Variants in CCNY observed in about 807,000 individuals in gnomAD.
The protein encoded by CCNY is cyclin Y, also known as cyclin-Y.
A neutral mutation model predicts 42.8 loss-of-function variants in CCNY; 19 were observed. The observed-to-expected ratio is 0.44, with a 90% confidence interval of 0.31 to 0.65. The LOEUF (loss-of-function observed/expected upper bound fraction) is 0.65. CCNY is among the 30% of genes least tolerant of loss of function. The pLI is 0.07. For synonymous variants in CCNY, 165 were observed against 162.7 expected, an observed-to-expected ratio of 1.01 and a Z score of -0.11; for missense variants, 370 against 437.3, an observed-to-expected ratio of 0.85 and a Z score of 1.37.
At chr10:35,317,466 G>A (rs1835774051) in intron 3 of CCNY, among the ~76,000 whole-genome samples, 1 of 152,180 alleles carries the variant, frequency 6.6e-6, no homozygotes, top group Non-Finnish European at 1.5e-5. Flanking sequence ...AGCAGCACAT[G>A]TGTTTAATCT....
chr10:35,362,081 A>G (rs1055275858), intron 1 of CCNY, among the ~76,000 whole-genome samples: 1 of 152,222 alleles, frequency 6.6e-6, no homozygotes, highest in Non-Finnish European at 1.5e-5. Context: ...AATGAATTTT[A>G]TGTTTAAACT....
intron 3 of CCNY, among the ~76,000 whole-genome samples, chr10:35,293,472 T>C (rs886208725): frequency 6.6e-6 from 1 of 152,202 alleles, no homozygotes; most frequent in African/African-American, 2.4e-5. Context: ...AGATGAATTT[T>C]AGGATCAGGT....
At chr10:35,351,094 A>T (rs1836419794) in intron 1 of CCNY, among the ~76,000 whole-genome samples, 1 of 152,198 alleles carries the variant, frequency 6.6e-6, no homozygotes, top group Non-Finnish European at 1.5e-5. Context: ...ATTATAAGAG[A>T]GTAGCTATTC....
intron 5 of CCNY, among the ~76,000 whole-genome samples, chr10:35,529,453 G>A (rs1840718493): frequency 6.6e-6 from 1 of 152,176 alleles, no homozygotes; most frequent in African/African-American, 2.4e-5. Flanking sequence ...ATTTAGCTAA[G>A]TGTGGTTTAT....
intron 8 of CCNY, 37 bp downstream of exon 8, chr10:35,553,222 C>A (rs762666397): frequency 6.2e-6 from 10 of 1,601,782 alleles, no homozygotes; most frequent in African/African-American, 1.3e-5. Flanking sequence ...TCATCAGAGT[C>A]TTGGCCAGAC....
At chr10:35,476,498 A>G (rs1839513445) in intron 1 of CCNY, among the ~76,000 whole-genome samples, 1 of 152,214 alleles carries the variant, frequency 6.6e-6, no homozygotes, top group South Asian at 2.1e-4. Flanking sequence ...GAACTGTTCA[A>G]CTACATGGAA....
intron 3 of CCNY, among the ~76,000 whole-genome samples, chr10:35,325,069 AT>A (rs1044476160): frequency 1.3e-5 from 2 of 152,206 alleles, no homozygotes; most frequent in South Asian, 4.1e-4. Context: ...AACTGCAGAC[AT>A]TTTATTTGGA....
intron 1 of CCNY, among the ~76,000 whole-genome samples, chr10:35,406,868 C>A (rs1406340354): frequency 1.3e-5 from 2 of 151,810 alleles, no homozygotes; most frequent in Non-Finnish European, 2.9e-5. Flanking sequence ...GCTGACCCCC[C>A]CCCACCTCCG....
At chr10:35,325,915 A>G (rs1262052978) in intron 3 of CCNY, among the ~76,000 whole-genome samples, 2 of 147,466 alleles carry the variant, frequency 1.4e-5, no homozygotes, top group Non-Finnish European at 3.1e-5. Context: ...GCCATCTCTT[A>G]AAAAAAAATT....
intron 3 of CCNY, among the ~76,000 whole-genome samples, chr10:35,313,977 GAAAAAAA>G (rs71523375): frequency 2.0e-4 from 16 of 79,776 alleles, no homozygotes; most frequent in South Asian, 9.9e-4. Context: ...GTTCATCTCG[GAAAAAAA>G]AAAAAAAAAA....
chr10:35,525,669 C>T (rs1248438173), intron 4 of CCNY, among the ~76,000 whole-genome samples: 1 of 150,790 alleles, frequency 6.6e-6, no homozygotes, highest in East Asian at 1.9e-4. Context: ...TTTTTTTTTC[C>T]CACAAGTGAG....
intron 3 of CCNY, among the ~76,000 whole-genome samples, chr10:35,269,152 T>A (rs1427488516): frequency 6.6e-6 from 1 of 152,134 alleles, no homozygotes; most frequent in Non-Finnish European, 1.5e-5. Context: ...TGCCTCCCTT[T>A]TGATGATAGA....
At chr10:35,321,327 T>C (rs1589034851) in intron 3 of CCNY, among the ~76,000 whole-genome samples, 1 of 152,214 alleles carries the variant, frequency 6.6e-6, no homozygotes, top group East Asian at 1.9e-4. Context: ...CTAAATATGA[T>C]GATGACCATT....
rs776184102 is a variant in CCNY at position 35,486,755 on chromosome 10, C to T, written c.229+3277C>T. ...TCTTCTTTGTGTACTTCTGTGCTTC[C>T]GCCATACATACTGAATCACTTGCTT... On this transcript the variant is annotated intron_variant, in intron 2 of 9. Coordinates refer to ENST00000374704, the MANE Select transcript of CCNY (RefSeq NM_145012.6). Among the ~76,000 whole-genome samples the T allele has an allele frequency of 2.0e-5, 3 of 152,356 alleles. No individual in the cohort carries two copies. In the South Asian group the frequency reaches 6.2e-4, roughly 32 times the overall value.
chr10:35,347,927 G>A lies in CCNY; in HGVS notation c.154+10720G>A, dbSNP rs1259915208. ...CGTCTGTGTATCCTGTCAAAGTCCC[G>A]GAGGAGAAAGAAGTCATGGTGCTGT... On this transcript the variant is annotated intron_variant, in intron 1 of 9. Transcript: ENST00000374704. 3.3e-5 allele frequency among the ~76,000 whole-genome samples: 5 copies of A among 152,266 alleles called. No homozygotes were observed. In the East Asian group the frequency reaches 7.7e-4, roughly 24 times the overall value.
Position 35,445,830 on chromosome 10 carries a change from C to T in CCNY, c.155-37574C>T, listed in dbSNP as rs139743261. 3.0e-3 allele frequency among the ~76,000 whole-genome samples: 459 copies of T among 152,326 alleles called. 2 individuals are homozygous for T. Among genetic ancestry groups the T allele is most frequent in the Middle Eastern group, 6.8e-3 (2 of 294 alleles). The stretch of plus-strand genomic sequence containing the variant: ...ATTTCAAACTTAAAGTTGGAGTAGA[C>T]CTGTAATCACCAGTGTTAACACTGT... On this transcript the variant is annotated intron_variant, in intron 1 of 9. Coordinates refer to ENST00000374704, the MANE Select transcript of CCNY (RefSeq NM_145012.6).
chr10:35,453,113 T>A lies in CCNY; in HGVS notation c.155-30291T>A, dbSNP rs112623598. Among the ~76,000 whole-genome samples, 512 of 152,310 alleles carry A rather than the reference T, an allele frequency of 3.4e-3. 4 individuals carry two copies. The highest frequency in any genetic ancestry group is 0.012 in the African/African-American group (482 of 41,568). On this transcript the variant is annotated intron_variant, in intron 1 of 9. Coordinates refer to ENST00000374704, the MANE Select transcript of CCNY (RefSeq NM_145012.6). The stretch of plus-strand genomic sequence containing the variant: ...TCTCAGCCACAGCGTCCAACTAATT[T>A]TTTCATAGAGATAGGGTCTTGCTTT...
Position 35,306,300 on chromosome 10 carries a change from G to A in CCNY, c.-9+55674G>A, listed in dbSNP as rs543917758. Reference sequence around the variant, plus strand: ...TCCACCTGCCTCAGCCTCCCAAAGTGCTGGGATTACAGGCGTGAGCCACCA... The same window carrying A: ...TCCACCTGCCTCAGCCTCCCAAAGTACTGGGATTACAGGCGTGAGCCACCA... On this transcript the variant is annotated intron_variant, in intron 3 of 11. Coordinates refer to the CCNY transcript ENST00000374706. 6.6e-5 allele frequency among the ~76,000 whole-genome samples: 10 copies of A among 152,318 alleles called. No homozygotes were observed. The East Asian group carries it at 1.9e-3, about 29-fold the overall frequency.
intron 2 of CCNY, among the ~76,000 whole-genome samples, chr10:35,489,362 A>T (rs1839851887): frequency 6.6e-6 from 1 of 152,098 alleles, no homozygotes; most frequent in Non-Finnish European, 1.5e-5. Context: ...GTGCGGTGGC[A>T]CTATCTTGGC....
Sources: gnomAD v4.1 joint callset for allele counts (sites outside exome capture counted in the v4.1 genomes callset) on GRCh38, gnomAD v4.1.1 for gene constraint, MANE v1.5 for transcripts, NCBI Gene and HGNC (gene_info 2026-07-23, HGNC 2026-07-21) for gene names.